The following MYT1 variants were observed in gnomAD, a reference collection of about 807,000 sequenced individuals.
MYT1 encodes myelin transcription factor 1.
Under a neutral mutation model 123.0 loss-of-function variants are expected in MYT1, and 23 were observed. The observed-to-expected ratio is 0.19, with a 90% CI of 0.13 to 0.26. The LOEUF is 0.26. Ranked by LOEUF, MYT1 falls within the 10% of genes least tolerant of loss-of-function variation. MYT1 has a pLI of 1.00. For missense variants in MYT1, 1,125 were observed against 1,472.5 expected (o/e 0.76, Z 3.86); for synonymous variants, 518 against 575.3 (o/e 0.90, Z 1.43).
At chr20:64,188,845 T>A (rs1468518451) in intron 1 of MYT1, among the ~76,000 whole-genome samples, 1 of 152,050 alleles carries the variant, frequency 6.6e-6, no homozygotes. Flanking sequence ...CCCTGTCATC[T>A]CAGCGACGGC....
intron 1 of MYT1, among the ~76,000 whole-genome samples, chr20:64,177,599 G>T (rs1159945014): frequency 4.6e-5 from 7 of 150,888 alleles, no homozygotes. Context: ...CTCTCCAGGG[G>T]TGGGGACATG....
rs76727233 is a variant in MYT1 at position 64,215,558 on chromosome 20, C to T, written c.1632-1509C>T. On this transcript the variant is annotated intron_variant, in intron 10 of 22. Transcript: ENST00000328439. ...AAGCCTTGGTCAAGGAAGCCATCAA[C>T]GGTGGTACCAATGTTAAGCTTATTA... Among the ~76,000 whole-genome samples the T allele has an allele frequency of 9.4e-3, 1,436 of 152,146 alleles. 28 individuals are homozygous for T. Among genetic ancestry groups the T allele is most frequent in the African/African-American group, 0.033 (1,362 of 41,482 alleles).
chr20:64,183,343 G>A (rs554975646), intron 1 of MYT1, among the ~76,000 whole-genome samples: 3 of 152,282 alleles, frequency 2.0e-5, no homozygotes, highest in East Asian at 3.9e-4. Flanking sequence ...GAATAGTTGT[G>A]TACAAGCCTT....
chr20:64,198,283 T>G (rs1983188572), intron 2 of MYT1, among the ~76,000 whole-genome samples: 1 of 81,504 alleles, frequency 1.2e-5, no homozygotes, highest in African/African-American at 6.8e-5. Flanking sequence ...CGAGACTCCG[T>G]CTCAAAAAAA....
chr20:64,200,753 T>C (rs1352504855), intron 4 of MYT1, among the ~76,000 whole-genome samples: 1 of 152,160 alleles, frequency 6.6e-6, no homozygotes, highest in East Asian at 1.9e-4. Flanking sequence ...GGGGTTAACC[T>C]TCATCTAACC....
intron 4 of MYT1, among the ~76,000 whole-genome samples, chr20:64,200,719 T>G (rs1983270591): frequency 6.6e-6 from 1 of 152,096 alleles, no homozygotes; most frequent in Non-Finnish European, 1.5e-5. Flanking sequence ...ATTATCCTGT[T>G]TGTGAAGTGG....
intron 10 of MYT1, among the ~76,000 whole-genome samples, chr20:64,215,389 T>C (rs1364029349): frequency 1.3e-5 from 2 of 152,196 alleles, no homozygotes; most frequent in Admixed American, 1.3e-4. Context: ...CTAGAGAGAT[T>C]GTGGCTAGGG....
At position 64,208,890 on chromosome 20, in the gene MYT1, G is replaced by C. The variant is rs914529572; in HGVS notation, c.1291+403G>C. On this transcript the variant is annotated intron_variant, in intron 7 of 22. Transcript: ENST00000328439. The surrounding 1 kb of genome is among the most constrained non-coding windows in gnomAD (Gnocchi z 5.4). ...CCCGCTGTTTCCTACAGCCATGCTGGGTCATCCTGATCCTCTCGTGGGGTG... is the reference window on the plus strand; with the variant it reads ...CCCGCTGTTTCCTACAGCCATGCTGCGTCATCCTGATCCTCTCGTGGGGTG... Among the ~76,000 whole-genome samples the C allele has an allele frequency of 1.3e-5, 2 of 152,210 alleles. No individual in the cohort carries two copies. The highest frequency in any genetic ancestry group is 4.8e-5 in the African/African-American group (2 of 41,452).
chr20:64,216,055 G>C lies in MYT1; in HGVS notation c.1632-1012G>C, dbSNP rs1174410956. Among the ~76,000 whole-genome samples, 3 of 152,334 alleles carry C rather than the reference G, an allele frequency of 2.0e-5. No homozygotes were observed. The East Asian group carries it at 5.8e-4, about 29-fold the overall frequency. ...GTTCAGTTCTTCCAGGCCCATCAGA[G>C]CTGGCCGTGGTTGCAGGGCTGGCCT... On this transcript the variant is annotated intron_variant, in intron 10 of 22. Coordinates refer to ENST00000328439, the MANE Select transcript of MYT1 (RefSeq NM_004535.3).
At position 64,238,826 on chromosome 20, in the gene MYT1, A is replaced by C. The variant is rs551713743; in HGVS notation, c.3094-934A>C. ...TTTTAAAGACAGATTATTACCTTTT[A>C]CTAGCATCCCTTTGGAAGGACTCAG... On this transcript the variant is annotated intron_variant, in intron 21 of 22. Coordinates refer to ENST00000328439, the MANE Select transcript of MYT1 (RefSeq NM_004535.3). Among the ~76,000 whole-genome samples the C allele has an allele frequency of 9.9e-5, 15 of 152,278 alleles. 1 individual carries two copies. In the South Asian group the frequency reaches 1.9e-3, roughly 19 times the overall value.
At chr20:64,184,808 A>G (rs1012129035) in intron 1 of MYT1, among the ~76,000 whole-genome samples, 4 of 152,196 alleles carry the variant, frequency 2.6e-5, no homozygotes, top group Admixed American at 1.3e-4. Flanking sequence ...GGAAAACCCC[A>G]CGTCACGTAA....
chr20:64,205,489 G>T, intron 5 of MYT1, 64 bp from the exon 6 acceptor site: 16 of 1,586,236 alleles, frequency 1.0e-5, no homozygotes, highest in Non-Finnish European at 1.4e-5. Flanking sequence ...AGGGGCTCAT[G>T]GGGTGTCTGA....
intron 6 of MYT1, among the ~76,000 whole-genome samples, chr20:64,206,463 G>T (rs891595754): frequency 3.3e-5 from 5 of 152,220 alleles, no homozygotes; most frequent in African/African-American, 1.2e-4. Flanking sequence ...CTGGGTCCCG[G>T]AGGGAGGGGT....
At chr20:64,179,972 C>T (rs1052155353) in intron 1 of MYT1, among the ~76,000 whole-genome samples, 21 of 151,344 alleles carry the variant, frequency 1.4e-4, no homozygotes, top group Non-Finnish European at 3.1e-4. Context: ...GTTACACACT[C>T]ACATGCTACA....
At chr20:64,217,003 G>C in intron 10 of MYT1, 64 bp from the exon 11 acceptor site, 1 of 1,509,308 alleles carries the variant, frequency 6.6e-7, no homozygotes. Context: ...TTGGGGTTGG[G>C]GAGGGTGGCA....
intron 2 of MYT1, among the ~76,000 whole-genome samples, chr20:64,194,580 T>G (rs1983052001): frequency 6.6e-6 from 1 of 151,880 alleles, no homozygotes; most frequent in Non-Finnish European, 1.5e-5. Flanking sequence ...AGAAGGGATG[T>G]GATGGGGGTT....
chr20:64,204,443 C>A (rs568486630), intron 4 of MYT1, among the ~76,000 whole-genome samples: 2 of 152,206 alleles, frequency 1.3e-5, no homozygotes, highest in Admixed American at 1.3e-4. Context: ...GCCCTCCCGG[C>A]TTCTTTTCCC....
rs369828467 is a variant in MYT1 at position 64,203,538 on chromosome 20, G to A, written c.87-1497G>A. On this transcript the variant is annotated intron_variant, in intron 4 of 22. Coordinates refer to ENST00000328439, the MANE Select transcript of MYT1 (RefSeq NM_004535.3). The surrounding 1 kb of genome is among the most constrained non-coding windows in gnomAD (Gnocchi z 5.1). ...TTCCTCCCTCTTCCCCTCCCTTCCC[G>A]TCTGGGTTCCCTCTTCCCTCCTCCC... Among the ~76,000 whole-genome samples, 10 of 151,492 alleles carry A rather than the reference G, an allele frequency of 6.6e-5. No individual in the cohort carries two copies. The highest frequency in any genetic ancestry group is 2.1e-4 in the South Asian group (1 of 4,770).
rs1428778316 is a variant in MYT1, at chr20:64,208,846, G to T, written c.1291+359G>T. Among the ~76,000 whole-genome samples the T allele has an allele frequency of 1.3e-5, 2 of 152,196 alleles. No homozygotes were observed. The highest frequency in any genetic ancestry group is 2.9e-5 in the Non-Finnish European group (2 of 68,030). On this transcript the variant is annotated intron_variant, in intron 7 of 22. Transcript: ENST00000328439. This position sits in a 1 kb window ranked among gnomAD's most constrained non-coding sequence, Gnocchi z 5.4. Reference sequence around the variant, plus strand: ...CCACCCCAACTCACACTCGTGGCAGGGATTGTGCTATGACAGAACCCGCTG... The same window carrying T: ...CCACCCCAACTCACACTCGTGGCAGTGATTGTGCTATGACAGAACCCGCTG...
Sources: gnomAD v4.1 joint callset for allele counts (sites outside exome capture counted in the v4.1 genomes callset) on GRCh38, gnomAD v4.1.1 for gene constraint, Gnocchi (gnomAD v3.1) non-coding constraint, MANE v1.5 for transcripts, NCBI Gene and HGNC (gene_info 2026-07-23, HGNC 2026-07-21) for gene names.